AP1M1: variants seen among roughly 807,000 people sequenced by gnomAD.
AP1M1 encodes AP-1 complex subunit mu-1.
AP1M1 carries 18 observed loss-of-function variants against 57.1 expected under a neutral mutation model. The ratio of observed to expected loss-of-function variants is 0.32; its 90% CI spans 0.22 to 0.47. The LOEUF is 0.47. AP1M1 is among the 20% of genes least tolerant of loss of function. The pLI, the probability that AP1M1 is intolerant of heterozygous loss-of-function variation, is 1.00. For synonymous variants in AP1M1, 241 were observed against 237.9 expected (o/e 1.01, Z -0.12); for missense variants, 362 against 593.5 (o/e 0.61, Z 4.05).
Position 16,206,218 on chromosome 19 carries a change from G to A in AP1M1, c.200-123G>A. The stretch of plus-strand genomic sequence containing the variant: ...TAGCCCACCATGGGCCAAGTAAACG[G>A]CTGGGAGTGGGGATAGGGAAGGCTC... On this transcript the variant is annotated intron_variant, in intron 2 of 11. Transcript: ENST00000291439. This position sits in a 1 kb window ranked among gnomAD's most constrained non-coding sequence, Gnocchi z 4.3. 6.1e-6 allele frequency: 6 copies of A among 977,352 alleles called. 1 individual carries two copies. The highest frequency in any genetic ancestry group is 7.9e-6 in the Non-Finnish European group (5 of 636,314). The allele number at this position is 977,352 out of a possible 1,614,324, so 60.5% of individuals were successfully genotyped here. A position where few individuals can be genotyped will look rare whatever the true frequency, so the allele number is the denominator to read the frequency against.
chr19:16,201,688 G>T (rs569457276), intron 1 of AP1M1, among the ~76,000 whole-genome samples: 3 of 152,144 alleles, frequency 2.0e-5, no homozygotes, highest in Non-Finnish European at 2.9e-5. Context: ...GTGAGCCACC[G>T]CGCCCAGCTG....
intron 5 of AP1M1, among the ~76,000 whole-genome samples, chr19:16,211,038 A>T (rs562444144): frequency 8.6e-5 from 13 of 151,334 alleles, no homozygotes; most frequent in African/African-American, 3.1e-4. Context: ...GTCCTCTGTC[A>T]GATAGGTGAT....
intron 6 of AP1M1, chr19:16,226,778 G>GATGT: frequency 2.1e-6 from 1 of 486,850 alleles, no homozygotes; most frequent in South Asian, 3.3e-5. Context: ...CCCGTCACCC[G>GATGT]GCCTCACACG....
Position 16,242,471 on chromosome 19 carries a change from C to T in AP1M1, c.*8036C>T, listed in dbSNP as rs529569318. On this transcript the variant is annotated 3_prime_UTR_variant, in exon 12 of 12. Transcript: ENST00000291439. The stretch of plus-strand genomic sequence containing the variant: ...ATAAAATAAGATTGTAGAAATAAAT[C>T]CAGATATTAGGAACCACAACAGGTG... 6.6e-5 allele frequency: 10 copies of T among 152,262 alleles called. No individual in the cohort carries two copies. The South Asian group carries it at 2.1e-3, about 32-fold the overall frequency. 9.4% of individuals were successfully genotyped at this position (152,262 alleles called of 1,614,324 possible).
intron 1 of AP1M1, among the ~76,000 whole-genome samples, chr19:16,199,693 T>C (rs960866945): frequency 1.4e-4 from 22 of 152,172 alleles, no homozygotes; most frequent in Non-Finnish European, 3.2e-4. Context: ...GTGCTGGGCT[T>C]CCCTCCCCCG....
chr19:16,220,706 T>A (rs940267491), intron 5 of AP1M1, among the ~76,000 whole-genome samples: 1 of 152,198 alleles, frequency 6.6e-6, no homozygotes, highest in Admixed American at 6.5e-5. Context: ...AAGGTTTTTT[T>A]AAAAGCCATT....
Position 16,228,720 on chromosome 19 carries a change from C to T in AP1M1, c.889-50C>T, listed in dbSNP as rs887711147. 1.9e-6 allele frequency: 3 copies of T among 1,604,518 alleles called. No individual in the cohort carries two copies. The highest frequency in any genetic ancestry group is 1.7e-4 in the Middle Eastern group (1 of 6,042). On this transcript the variant is annotated intron_variant, in intron 8 of 11. Coordinates refer to ENST00000291439, the MANE Select transcript of AP1M1 (RefSeq NM_032493.4). The surrounding 1 kb of genome is among the most constrained non-coding windows in gnomAD (Gnocchi z 5.0). The stretch of plus-strand genomic sequence containing the variant: ...GGGCATGTGTCCTGGAGAGGCTGGC[C>T]AGCTCACCTTGGCCTCCATAACCCC...
At chr19:16,221,788 G>A (rs2091545426) in intron 5 of AP1M1, among the ~76,000 whole-genome samples, 2 of 152,324 alleles carry the variant, frequency 1.3e-5, no homozygotes, top group South Asian at 4.1e-4. Flanking sequence ...TTTCTACAAA[G>A]CAATTCTCCT....
At chr19:16,210,223 T>A (rs1442896702) in intron 5 of AP1M1, 1 of 578,188 alleles carries the variant, frequency 1.7e-6, no homozygotes, top group Non-Finnish European at 3.2e-6. Flanking sequence ...CCTTTTATAT[T>A]TATTTATATT....
intron 5 of AP1M1, among the ~76,000 whole-genome samples, chr19:16,220,865 C>T (rs1390186275): frequency 6.6e-6 from 1 of 152,200 alleles, no homozygotes; most frequent in Non-Finnish European, 1.5e-5. Context: ...TGTTATACCA[C>T]TTCCTTCTGG....
chr19:16,220,699 G>GT (rs1385524193), intron 5 of AP1M1, among the ~76,000 whole-genome samples: 8 of 152,056 alleles, frequency 5.3e-5, no homozygotes, highest in Non-Finnish European at 1.0e-4. Flanking sequence ...CCCTAAAAAG[G>GT]TTTTTTTAAA....
Position 16,200,835 on chromosome 19 carries a change from C to G in AP1M1, c.43-2624C>G, listed in dbSNP as rs192117592. Among the ~76,000 whole-genome samples, 4 of 152,376 alleles carry G rather than the reference C, an allele frequency of 2.6e-5. No individual in the cohort carries two copies. In the East Asian group the frequency reaches 7.7e-4, roughly 29 times the overall value. ...GGGGGGTTTCCTCCTGTTTCTTGCACTGCCTACTTTCCTCCTTTTCTGCCC... is the reference window on the plus strand; with the variant it reads ...GGGGGGTTTCCTCCTGTTTCTTGCAGTGCCTACTTTCCTCCTTTTCTGCCC... On this transcript the variant is annotated intron_variant, in intron 1 of 11. Transcript: ENST00000291439.
At position 16,228,856 on chromosome 19, in the gene AP1M1, C is replaced by A; in HGVS notation, c.975C>A (p.Phe325Leu). 6.2e-7 allele frequency: 1 copy of A among 1,614,214 alleles called. No homozygotes were observed. The highest frequency in any genetic ancestry group is 1.1e-5 in the South Asian group (1 of 91,088). Residue 325 changes from phenylalanine (F) to leucine (L), a missense_variant, in exon 9 of 12, where the codon TTC (phenylalanine) becomes TTA (leucine). Physicochemically the swap from Phe to Leu is conservative, Grantham distance 22. Coordinates refer to ENST00000291439, the MANE Select transcript of AP1M1 (RefSeq NM_032493.4). The surrounding 1 kb of genome is among the most constrained non-coding windows in gnomAD (Gnocchi z 5.0). ...CCAATGATGCCGACTCACCCAAGTT[C>A]AAGACGACGGTGGGGAGCGTTAAGT... is the stretch of plus-strand genomic sequence containing the variant. ...PVPNDADSPK[F>L]KTTVGSVKWV...
chr19:16,213,352 C>CTT (rs556304641), intron 5 of AP1M1, among the ~76,000 whole-genome samples: 1 of 152,100 alleles, frequency 6.6e-6, no homozygotes, highest in African/African-American at 2.4e-5. Context: ...ACTTCTTTGT[C>CTT]TTTTTTTGAT....
rs930815205 is a variant in AP1M1 at position 16,236,380 on chromosome 19, A to G, written c.*1945A>G. 1.3e-5 allele frequency: 2 copies of G among 152,298 alleles called. No homozygotes were observed. The highest frequency in any genetic ancestry group is 2.4e-5 in the African/African-American group (1 of 41,450). 9.4% of individuals were successfully genotyped at this position (152,298 alleles called of 1,614,324 possible). On this transcript the variant is annotated 3_prime_UTR_variant, in exon 12 of 12. Transcript: ENST00000291439. The stretch of plus-strand genomic sequence containing the variant: ...AGCAGACGCACCTAGCCGTGCCCAT[A>G]AAAAAGCAAGGAGACCCACAGGAGC...
At chr19:16,211,867 C>T (rs1290263637) in intron 5 of AP1M1, among the ~76,000 whole-genome samples, 1 of 152,092 alleles carries the variant, frequency 6.6e-6, no homozygotes, top group African/African-American at 2.4e-5. Context: ...CATGTAGTTT[C>T]TGTCTTTAGT....
At chr19:16,231,523 G>A (rs898231232) in intron 9 of AP1M1, among the ~76,000 whole-genome samples, 11 of 151,832 alleles carry the variant, frequency 7.2e-5, no homozygotes, top group Non-Finnish European at 1.3e-4. Context: ...TCCACCTCCC[G>A]GGTTCAAGCG....
At position 16,227,901 on chromosome 19, in the gene AP1M1, C is replaced by T. The variant is rs2091578158; in HGVS notation, c.816+211C>T. Among the ~76,000 whole-genome samples the T allele has an allele frequency of 6.6e-6, 1 of 152,192 alleles. No individual in the cohort carries two copies. Among genetic ancestry groups the T allele is most frequent in the South Asian group, 2.1e-4 (1 of 4,834 alleles). On this transcript the variant is annotated intron_variant, in intron 7 of 11. Transcript: ENST00000291439. The surrounding 1 kb of genome is among the most constrained non-coding windows in gnomAD (Gnocchi z 6.2). ...CACCACCACCCCTTTCCCAGGCAGC[C>T]CCCAGAGCAGGCCCTGGTCATGTTT... is the stretch of plus-strand genomic sequence containing the variant.
intron 5 of AP1M1, among the ~76,000 whole-genome samples, chr19:16,220,994 A>G (rs1467264996): frequency 6.6e-6 from 1 of 152,252 alleles, no homozygotes; most frequent in East Asian, 1.9e-4. Context: ...TTCAGCAGTT[A>G]GATGAGGTGT....
Sources: allele counts gnomAD v4.1 joint callset (sites outside exome capture counted in the v4.1 genomes callset), GRCh38; gene constraint gnomAD v4.1.1; non-coding constraint Gnocchi (gnomAD v3.1); transcripts MANE v1.5; gene names NCBI Gene and HGNC (gene_info 2026-07-23, HGNC 2026-07-21).